SSBP4: variants seen among roughly 807,000 people sequenced by gnomAD.
SSBP4 encodes single-stranded DNA-binding protein 4.
Under a neutral mutation model 64.6 loss-of-function variants are expected in SSBP4, and 33 were observed. That is an observed-to-expected ratio of 0.51 (90% CI 0.39 to 0.68). SSBP4 has a LOEUF of 0.68. SSBP4 is among the 30% of genes least tolerant of loss of function. The probability of loss-of-function intolerance (pLI) is 0.00; values close to 1 mark genes in which losing one functional copy is unlikely to be tolerated. For missense variants in SSBP4, 583 were observed against 566.8 expected, an observed-to-expected ratio of 1.03 and a Z score of -0.29; for synonymous variants, 243 against 224.0, an observed-to-expected ratio of 1.08 and a Z score of -0.76.
At position 18,426,854 on chromosome 19, in the gene SSBP4, C is replaced by T. The variant is rs939023090; in HGVS notation, c.60-497C>T. On this transcript the variant is annotated intron_variant, in intron 1 of 17. Coordinates refer to ENST00000270061, the MANE Select transcript of SSBP4 (RefSeq NM_032627.5). This position sits in a 1 kb window ranked among gnomAD's most constrained non-coding sequence, Gnocchi z 4.5. ...AGTCTGCAGAAAGGGTTGAGGCCAC[C>T]ATGGTGGATGGGCATCTCTTCCCCA... Among the ~76,000 whole-genome samples, 1 of 152,154 alleles carries T rather than the reference C, an allele frequency of 6.6e-6. No homozygotes were observed. The highest frequency in any genetic ancestry group is 1.5e-5 in the Non-Finnish European group (1 of 68,006).
intron 1 of SSBP4, among the ~76,000 whole-genome samples, chr19:18,422,268 G>A (rs763002512): frequency 3.3e-5 from 5 of 152,180 alleles, no homozygotes; most frequent in Non-Finnish European, 7.4e-5. Flanking sequence ...GGGTGAGGGG[G>A]TTAGCTGCAT....
chr19:18,404,583 G>A, the SSBP4 span, among the ~76,000 whole-genome samples: 3 of 131,064 alleles, frequency 2.3e-5, no homozygotes, highest in Non-Finnish European at 4.7e-5. Context: ...GACAGAGCGA[G>A]ACTCTGTCTC....
chr19:18,432,193 C>G lies in SSBP4; in HGVS notation c.683C>G (p.Pro228Arg), dbSNP rs372845768. The G allele has an allele frequency of 3.7e-6, 6 of 1,613,006 alleles. No individual in the cohort carries two copies. Among genetic ancestry groups the G allele is most frequent in the Admixed American group, 1.7e-5 (1 of 59,996 alleles). ...MRPPPNSLAG[P>R]GLPAMNMGPG... ...CCCCCACCCAACTCCCTCGCCGGCC[C>G]AGGCCTGCCTGCCATGAACATGTAA... The change falls in exon 10 of 18, where the codon CCA becomes CGA. Residue 228 changes from proline to arginine, a missense_variant. Coordinates refer to ENST00000270061, the MANE Select transcript of SSBP4 (RefSeq NM_032627.5).
At chr19:18,430,791 A>C in intron 4 of SSBP4, 50 bp from the exon 5 acceptor site, 1 of 1,526,702 alleles carries the variant, frequency 6.6e-7, no homozygotes, top group Non-Finnish European at 8.9e-7. Flanking sequence ...CCAGGTAGGA[A>C]GTGTCCAGGT....
intron 1 of SSBP4, among the ~76,000 whole-genome samples, chr19:18,420,585 C>A (rs1364793394): frequency 6.6e-6 from 1 of 151,998 alleles, no homozygotes; most frequent in Non-Finnish European, 1.5e-5. Flanking sequence ...AGAGGCCGGG[C>A]GCGGTGGCTC....
upstream of SSBP4, chr19:18,418,926 G>A: frequency 1.0e-6 from 1 of 977,052 alleles, no homozygotes; most frequent in Non-Finnish European, 1.2e-6. This position sits in a 1 kb window ranked among gnomAD's most constrained non-coding sequence, Gnocchi z 6.7. Flanking sequence ...GGCAGTGTAT[G>A]TGTGTCGCTG....
the SSBP4 span, among the ~76,000 whole-genome samples, chr19:18,407,836 C>T: frequency 6.6e-6 from 1 of 151,922 alleles, no homozygotes; most frequent in Non-Finnish European, 1.5e-5. Flanking sequence ...TGCACCTCCT[C>T]GGCTCAAGTG....
At position 18,431,676 on chromosome 19, in the gene SSBP4, C is replaced by G. The variant is rs900725890; in HGVS notation, c.465C>G (p.Gly155=). 1.3e-6 allele frequency: 2 copies of G among 1,551,642 alleles called. No individual in the cohort carries two copies. Among genetic ancestry groups the G allele is most frequent in the Non-Finnish European group, 1.7e-6 (2 of 1,148,020 alleles). The change falls in exon 7 of 18, where the codon GGC becomes GGG. Residue 155 remains glycine, a synonymous_variant. Transcript: ENST00000270061. The part of the protein sequence containing the change: ...QPFMSPRFPG[G]PRPTLRMPSQ... ...TCATGTCACCGCGCTTCCCAGGGGG[C>G]CCCCGGCCCACCCTGCGGATGCCGA...
chr19:18,432,794 G>A (rs750285123), intron 12 of SSBP4, 35 bp from the exon 13 acceptor site: 4 of 1,613,698 alleles, frequency 2.5e-6, no homozygotes, highest in Non-Finnish European at 3.4e-6. Context: ...GCAGATGAGG[G>A]GCCATTTCTC....
At chr19:18,414,808 A>T (rs1042114141), upstream of SSBP4, among the ~76,000 whole-genome samples, 2 of 152,114 alleles carry the variant, frequency 1.3e-5, no homozygotes, top group African/African-American at 4.8e-5. Context: ...TGGTGGCATG[A>T]CCCAGTGGCT....
intron 4 of SSBP4, among the ~76,000 whole-genome samples, chr19:18,430,381 C>G (rs994151377): frequency 1.3e-5 from 2 of 152,166 alleles, no homozygotes; most frequent in Non-Finnish European, 2.9e-5. Flanking sequence ...CTGAGAGAGG[C>G]TGGGGGATGG....
At chr19:18,434,070 T>C (rs377766810) in intron 17 of SSBP4, 147 bp from the exon 18 acceptor site, 2 of 1,083,796 alleles carry the variant, frequency 1.8e-6, no homozygotes, top group South Asian at 5.2e-5. Flanking sequence ...TTCCCATGCA[T>C]CGCCCCTCCC....
intron 16 of SSBP4, 45 bp from the exon 17 acceptor site, chr19:18,433,660 CGGGGA>C (rs1207953493): frequency 1.6e-6 from 1 of 640,128 alleles, no homozygotes; most frequent in Admixed American, 1.9e-4. Flanking sequence ...GGGGGGGTGG[CGGGGA>C]GGGGGCGGGG....
the SSBP4 span, among the ~76,000 whole-genome samples, chr19:18,411,487 T>G: frequency 6.6e-6 from 1 of 151,832 alleles, no homozygotes; most frequent in Non-Finnish European, 1.5e-5. Context: ...AGAGCGAGAC[T>G]TCGTCTTAAA....
Position 18,430,821 on chromosome 19 carries a change from G to A in SSBP4, c.280-20G>A. Reference sequence around the variant, plus strand: ...CCAGGTGTCCTGACCTGGCCCTCTGGGTTTCCCGCACCCTTACAGAGTGCT... The same window carrying A: ...CCAGGTGTCCTGACCTGGCCCTCTGAGTTTCCCGCACCCTTACAGAGTGCT... On this transcript the variant is annotated intron_variant, in intron 4 of 17. Coordinates refer to ENST00000270061, the MANE Select transcript of SSBP4 (RefSeq NM_032627.5). The A allele has an allele frequency of 3.8e-6, 6 of 1,599,036 alleles. No homozygotes were observed. Among genetic ancestry groups the A allele is most frequent in the Non-Finnish European group, 5.1e-6 (6 of 1,171,310 alleles).
rs1972280078 is a variant in SSBP4, at chr19:18,419,548, G to A, written c.-101G>A. ...CCTGCCGTGCCCGCCTGGGGCTCGG[G>A]GCGGTGAGGCCCGGGGCGCGGGGTA... On this transcript the variant is annotated 5_prime_UTR_variant, in exon 1 of 18. Coordinates refer to ENST00000270061, the MANE Select transcript of SSBP4 (RefSeq NM_032627.5). 2 of 1,150,718 alleles carry A rather than the reference G, an allele frequency of 1.7e-6. No homozygotes were observed. Among genetic ancestry groups the A allele is most frequent in the South Asian group, 7.2e-5 (2 of 27,712 alleles). 71.3% of individuals were successfully genotyped at this position (1,150,718 alleles called of 1,614,324 possible).
the SSBP4 span, among the ~76,000 whole-genome samples, chr19:18,406,121 C>T: frequency 6.6e-6 from 1 of 151,254 alleles, no homozygotes. Flanking sequence ...GGATTACAGG[C>T]GTGAGACACT....
the SSBP4 span, among the ~76,000 whole-genome samples, chr19:18,409,594 T>C: frequency 1.3e-5 from 2 of 152,084 alleles, no homozygotes; most frequent in East Asian, 3.9e-4. Flanking sequence ...GTAGGATGGT[T>C]CAAAGATTTT....
At chr19:18,430,570 G>A (rs888780927) in intron 4 of SSBP4, among the ~76,000 whole-genome samples, 7 of 152,182 alleles carry the variant, frequency 4.6e-5, no homozygotes, top group African/African-American at 1.7e-4. Context: ...ACCCAGCTGA[G>A]CTGCCCTGCC....
Sources: gnomAD v4.1 joint callset for allele counts (sites outside exome capture counted in the v4.1 genomes callset) on GRCh38, gnomAD v4.1.1 for gene constraint, Gnocchi (gnomAD v3.1) non-coding constraint, MANE v1.5 for transcripts, NCBI Gene and HGNC (gene_info 2026-07-23, HGNC 2026-07-21) for gene names.